ERCC8: variants seen among roughly 807,000 people sequenced by gnomAD.
ERCC8 encodes DNA excision repair protein ERCC-8.
Under a neutral mutation model 54.9 loss-of-function variants are expected in ERCC8, and 52 were observed. The observed-to-expected ratio is 0.95, with a 90% CI of 0.76 to 1.19. The LOEUF (loss-of-function observed/expected upper bound fraction) is 1.19. Ranked by LOEUF, ERCC8 falls within the 50% of genes most tolerant of loss-of-function variation. The pLI is 0.00. For missense variants in ERCC8, 514 were observed against 466.1 expected, an observed-to-expected ratio of 1.10 and a Z score of -0.95; for synonymous variants, 146 against 157.2, an observed-to-expected ratio of 0.93 and a Z score of 0.53.
In ERCC8 at chr5:60,890,937, C is replaced by G. The variant is rs758506477; in HGVS notation, c.993G>C (p.Lys331Asn). Residue 331 changes from lysine to asparagine, a missense_variant, in exon 10 of 12, where the codon AAG becomes AAC. Physicochemically the swap from Lys to Asn is moderately conservative, Grantham distance 94. Transcript: ENST00000676185. ...AGCAGTCAACAGTTTTATAATGTCC[C>G]TTAAGCATAGTTATCTGTTCTCCTG... is the stretch of plus-strand genomic sequence containing the variant. ...VYSGEQITML[K>N]GHYKTVDCCV... 4 of 1,613,614 alleles carry G rather than the reference C, an allele frequency of 2.5e-6. No homozygotes were observed. The East Asian group carries it at 8.9e-5, about 36-fold the overall frequency.
intron 11 of ERCC8, among the ~76,000 whole-genome samples, chr5:60,877,097 T>C (rs1748034847): frequency 6.6e-6 from 1 of 152,238 alleles, no homozygotes; most frequent in Non-Finnish European, 1.5e-5. Flanking sequence ...TTTCTAAGTA[T>C]GGCTAGCCAG....
intron 11 of ERCC8, among the ~76,000 whole-genome samples, chr5:60,883,674 T>C (rs751056695): frequency 3.3e-5 from 5 of 152,186 alleles, no homozygotes; most frequent in African/African-American, 4.8e-5. Flanking sequence ...ACAAGTGATA[T>C]GTAAAACAGT....
At chr5:60,924,024 C>G (rs1580032100) in intron 2 of ERCC8, among the ~76,000 whole-genome samples, 1 of 152,116 alleles carries the variant, frequency 6.6e-6, no homozygotes, top group Non-Finnish European at 1.5e-5. Flanking sequence ...TGTCTTTTAA[C>G]TTTAAGCTAT....
chr5:60,891,044 T>G lies in ERCC8; in HGVS notation c.886A>C (p.Lys296Gln). ...CTGCAGCCACAGGAGACAGTGAATT[T>G]CAATCCTTTTTTACTGTTATTACAA... ...KVCNNSKKGL[K>Q]FTVSCGCSSE... Residue 296 changes from lysine (K) to glutamine (Q), a missense_variant, in exon 10 of 12, where the codon AAA becomes CAA. Transcript: ENST00000676185. 1 of 1,613,064 alleles carries G rather than the reference T, an allele frequency of 6.2e-7. No homozygotes were observed. The highest frequency in any genetic ancestry group is 8.5e-7 in the Non-Finnish European group (1 of 1,179,702).
chr5:60,934,797 C>G (rs1750016653), intron 1 of ERCC8, among the ~76,000 whole-genome samples: 1 of 152,164 alleles, frequency 6.6e-6, no homozygotes, highest in African/African-American at 2.4e-5. Flanking sequence ...GCCAATTGTC[C>G]CAGGACTATT....
chr5:60,892,071 T>C, intron 9 of ERCC8: 2 of 530,730 alleles, frequency 3.8e-6, no homozygotes, highest in East Asian at 5.1e-5. Context: ...GGCCCTGTTG[T>C]AGGGGGTCCA....
Position 60,919,198 on chromosome 5 carries a change from T to C in ERCC8, c.276-810A>G, listed in dbSNP as rs532704526. Reference sequence around the variant, plus strand: ...ATAAAGTCTTTATCTTTTAGAGATATAAATAATTATGAATAAACGATAGGT... The same window carrying C: ...ATAAAGTCTTTATCTTTTAGAGATACAAATAATTATGAATAAACGATAGGT... On this transcript the variant is annotated intron_variant, in intron 3 of 11. Transcript: ENST00000676185. Among the ~76,000 whole-genome samples, 5 of 152,146 alleles carry C rather than the reference T, an allele frequency of 3.3e-5. No individual in the cohort carries two copies. In the East Asian group the frequency reaches 9.6e-4, roughly 29 times the overall value.
chr5:60,924,751 T>C (rs924423294), intron 2 of ERCC8, among the ~76,000 whole-genome samples: 13 of 152,118 alleles, frequency 8.5e-5, no homozygotes. Context: ...TCTTTTTGGC[T>C]TTTAAAATTT....
At chr5:60,908,218 A>ATT (rs35483171) in intron 4 of ERCC8, among the ~76,000 whole-genome samples, 8 of 145,222 alleles carry the variant, frequency 5.5e-5, no homozygotes, top group Non-Finnish European at 1.1e-4. Context: ...CAGAGTTCAG[A>ATT]TTTTTTTTTT....
intron 1 of ERCC8, among the ~76,000 whole-genome samples, chr5:60,931,871 G>T (rs1023269958): frequency 2.0e-5 from 3 of 152,084 alleles, no homozygotes; most frequent in Non-Finnish European, 4.4e-5. Flanking sequence ...ATGGCTCCCA[G>T]TAAGAAGCAT....
At chr5:60,944,761 T>G (rs1750383549) in intron 1 of ERCC8, among the ~76,000 whole-genome samples, 171 bp downstream of exon 1, 1 of 67,094 alleles carries the variant, frequency 1.5e-5, no homozygotes, top group African/African-American at 6.6e-5. Flanking sequence ...CGCCTGCAAG[T>G]TGTTACCAGT....
chr5:60,900,706 G>A (rs1269556956), intron 7 of ERCC8: 1 of 151,984 alleles, frequency 6.6e-6, no homozygotes, highest in African/African-American at 2.4e-5. Context: ...ATCAGTATGA[G>A]GATTTAAGTC....
intron 11 of ERCC8, among the ~76,000 whole-genome samples, chr5:60,886,423 TA>T (rs1234842696): frequency 2.0e-5 from 3 of 152,110 alleles, no homozygotes; most frequent in Non-Finnish European, 2.9e-5. Context: ...AAATGTCGGC[TA>T]GGGGTAGTGG....
At position 60,874,032 on chromosome 5, in the gene ERCC8, A is replaced by C. The variant is rs4647158; in HGVS notation, c.*583T>G. On this transcript the variant is annotated 3_prime_UTR_variant, in exon 12 of 12. Transcript: ENST00000676185. The stretch of plus-strand genomic sequence containing the variant: ...AAACATGGGATTTTCACAAAGTTAA[A>C]AGCCTCCTGTGATGCACATTTTGGA... 1 of 152,232 alleles carries C rather than the reference A, an allele frequency of 6.6e-6. No individual in the cohort carries two copies. The highest frequency in any genetic ancestry group is 1.5e-5 in the Non-Finnish European group (1 of 68,048). 9.4% of individuals were successfully genotyped at this position (152,232 alleles called of 1,614,324 possible).
intron 11 of ERCC8, among the ~76,000 whole-genome samples, 195 bp downstream of exon 11, chr5:60,887,245 G>T (rs978771389): frequency 2.0e-5 from 3 of 152,080 alleles, no homozygotes; most frequent in African/African-American, 4.8e-5. Flanking sequence ...CTGAGATGGG[G>T]TCTCACTACA....
intron 1 of ERCC8, among the ~76,000 whole-genome samples, chr5:60,933,687 T>C (rs968380226): frequency 2.6e-5 from 4 of 152,210 alleles, no homozygotes; most frequent in South Asian, 2.1e-4. Context: ...AAGCAGTACA[T>C]ACTGTACCCA....
chr5:60,927,816 C>T (rs1296091246), intron 2 of ERCC8, among the ~76,000 whole-genome samples: 2 of 152,190 alleles, frequency 1.3e-5, no homozygotes, highest in East Asian at 1.9e-4. Flanking sequence ...AATTATTACT[C>T]ATCTTTTAGA....
At chr5:60,931,696 T>A (rs2112536097) in intron 1 of ERCC8, among the ~76,000 whole-genome samples, 1 of 152,356 alleles carries the variant, frequency 6.6e-6, no homozygotes, top group Admixed American at 6.5e-5. Flanking sequence ...TTTTTCATAT[T>A]TTTCCATTGA....
rs140803801 is a variant in ERCC8 at position 60,917,065 on chromosome 5, G to A, written c.399+1200C>T. 3.8e-4 allele frequency among the ~76,000 whole-genome samples: 58 copies of A among 152,086 alleles called. 1 individual carries two copies. In the East Asian group the frequency reaches 0.011, roughly 28 times the overall value. On this transcript the variant is annotated intron_variant, in intron 4 of 11. Coordinates refer to ENST00000676185, the MANE Select transcript of ERCC8 (RefSeq NM_000082.4). ...CTCCAGAAGCTGAAATCACTAAACT[G>A]CATGATAGAACTAAAAGGGACCTTA...
Sources: gnomAD v4.1 joint callset for allele counts (sites outside exome capture counted in the v4.1 genomes callset) on GRCh38, gnomAD v4.1.1 for gene constraint, MANE v1.5 for transcripts, NCBI Gene and HGNC (gene_info 2026-07-23, HGNC 2026-07-21) for gene names.